Variants in ANKS1A observed in about 807,000 individuals in gnomAD.
The protein encoded by ANKS1A is ankyrin repeat and SAM domain-containing protein 1A.
Under a neutral mutation model 120.3 loss-of-function variants are expected in ANKS1A, and 55 were observed. That is an observed-to-expected ratio of 0.46 (90% CI 0.37 to 0.57). ANKS1A has a LOEUF of 0.57. Among genes scored for constraint, ANKS1A ranks in the 20% least tolerant of loss-of-function variants. The probability of loss-of-function intolerance (pLI) is 0.00; values close to 1 mark genes in which losing one functional copy is unlikely to be tolerated. For missense variants in ANKS1A, 1,123 were observed against 1,480.3 expected (o/e 0.76, Z 3.96); for synonymous variants, 590 against 604.7 (o/e 0.98, Z 0.36).
At chr6:34,950,287 C>T (rs1486332701) in intron 1 of ANKS1A, among the ~76,000 whole-genome samples, 4 of 131,964 alleles carry the variant, frequency 3.0e-5, no homozygotes, top group Non-Finnish European at 6.1e-5. Flanking sequence ...AGTACAGTGG[C>T]GCGATCTTGG....
intron 1 of ANKS1A, among the ~76,000 whole-genome samples, chr6:34,929,982 C>T (rs1768906085): frequency 6.6e-6 from 1 of 152,100 alleles, no homozygotes; most frequent in Non-Finnish European, 1.5e-5. Context: ...CATTCCTGCT[C>T]TATGACATCT....
chr6:35,082,931 G>T lies in ANKS1A; in HGVS notation c.2835+115G>T. On this transcript the variant is annotated intron_variant, in intron 18 of 23. Transcript: ENST00000360359. The surrounding 1 kb of genome is among the most constrained non-coding windows in gnomAD (Gnocchi z 4.1). ...AAGCCAGGCCCAGGGCTTTTGAGCT[G>T]TTCTCCACTCTCAGCCACTCTTGAC... The T allele has an allele frequency of 6.7e-7, 1 of 1,489,578 alleles. No homozygotes were observed. The highest frequency in any genetic ancestry group is 9.0e-7 in the Non-Finnish European group (1 of 1,113,516). The allele number at this position is 1,489,578 out of a possible 1,614,324, so 92.3% of individuals were successfully genotyped here.
chr6:34,923,772 C>T (rs1768559881), intron 1 of ANKS1A, among the ~76,000 whole-genome samples: 1 of 152,144 alleles, frequency 6.6e-6, no homozygotes, highest in Non-Finnish European at 1.5e-5. Context: ...CTCCTGAATT[C>T]AGATGGAGAG....
At chr6:35,026,150 T>G (rs1774615146) in intron 11 of ANKS1A, among the ~76,000 whole-genome samples, 1 of 152,266 alleles carries the variant, frequency 6.6e-6, no homozygotes. Flanking sequence ...ATTCTTTTTA[T>G]ACTTTGGTTC....
rs556067373 is a variant in ANKS1A, at chr6:35,075,752, CACAT to C, written c.2185-2802_2185-2799del. On this transcript the variant is annotated intron_variant, in intron 13 of 23. Coordinates refer to ENST00000360359, the MANE Select transcript of ANKS1A (RefSeq NM_015245.3). ...CTTTATTTTTTGTTGTATGTACACACACATACACACACACTTGTGCACACACATA... is the reference window on the plus strand; with the variant it reads ...CTTTATTTTTTGTTGTATGTACACACACACACACACTTGTGCACACACATA... 9.9e-5 allele frequency among the ~76,000 whole-genome samples: 15 copies of C among 152,110 alleles called. 1 individual carries two copies. The South Asian group carries it at 3.1e-3, about 32-fold the overall frequency.
Position 34,982,917 on chromosome 6 carries a change from G to A in ANKS1A, c.808+90G>A. ...CCCTAGGGGGATTTTTGCTGGCTGT[G>A]TTTGAACTCAATGTATGTGTATCTC... On this transcript the variant is annotated intron_variant, in intron 5 of 23. Coordinates refer to ENST00000360359, the MANE Select transcript of ANKS1A (RefSeq NM_015245.3). The surrounding 1 kb of genome is among the most constrained non-coding windows in gnomAD (Gnocchi z 4.9). The A allele has an allele frequency of 2.0e-6, 3 of 1,516,036 alleles. No individual in the cohort carries two copies. Among genetic ancestry groups the A allele is most frequent in the Non-Finnish European group, 2.7e-6 (3 of 1,093,268 alleles). The allele number at this position is 1,516,036 out of a possible 1,614,324, so 93.9% of individuals were successfully genotyped here.
At chr6:34,924,097 G>GTGTGTA (rs1448218522) in intron 1 of ANKS1A, among the ~76,000 whole-genome samples, 38 of 144,660 alleles carry the variant, frequency 2.6e-4, no homozygotes, top group Admixed American at 9.5e-4. Context: ...TTTCGTGTGT[G>GTGTGTA]TGTGTGTGTG....
intron 1 of ANKS1A, among the ~76,000 whole-genome samples, chr6:34,948,503 A>G (rs971124096): frequency 2.0e-5 from 3 of 152,148 alleles, no homozygotes; most frequent in African/African-American, 7.2e-5. Flanking sequence ...TCTTGATTCA[A>G]AGTAAATAAT....
intron 3 of ANKS1A, among the ~76,000 whole-genome samples, chr6:34,979,785 T>C (rs960148958): frequency 6.6e-6 from 1 of 152,206 alleles, no homozygotes; most frequent in African/African-American, 2.4e-5. Context: ...AAGCTGACTT[T>C]CTTGGCTCTT....
chr6:35,069,718 T>TA (rs200615406), intron 13 of ANKS1A, among the ~76,000 whole-genome samples: 3,428 of 13,186 alleles, frequency 0.26, 133 homozygotes, highest in African/African-American at 0.32. Flanking sequence ...TATATATATA[T>TA]TTTTTTTTTT....
chr6:34,889,541 AGCGGCGGCGGCGGCGGCG>A lies in ANKS1A; in HGVS notation c.142_159del (p.Gly48_Gly53del). On this transcript the variant is annotated inframe_deletion, in exon 1 of 24. Transcript: ENST00000360359. This position sits in a 1 kb window ranked among gnomAD's most constrained non-coding sequence, Gnocchi z 5.5. ...TGGCTCTGGGGGCGGCGGCGGCGGC[AGCGGCGGCGGCGGCGGCG>A]GCCTCGGCTCTTCCAGCCACCCCCT... The A allele has an allele frequency of 2.5e-6, 3 of 1,200,420 alleles. No homozygotes were observed. The highest frequency in any genetic ancestry group is 2.0e-6 in the Non-Finnish European group (2 of 980,276). 74.4% of individuals were successfully genotyped at this position (1,200,420 alleles called of 1,614,324 possible). A position where few individuals can be genotyped will look rare whatever the true frequency, so the allele number is the denominator to read the frequency against.
chr6:35,031,223 C>T (rs1774891749), intron 11 of ANKS1A, among the ~76,000 whole-genome samples: 1 of 152,126 alleles, frequency 6.6e-6, no homozygotes, highest in Admixed American at 6.6e-5. Context: ...CAGCCTCTTC[C>T]CTGTTGTGCT....
At chr6:35,053,457 C>A (rs1172704391) in intron 11 of ANKS1A, among the ~76,000 whole-genome samples, 1 of 152,242 alleles carries the variant, frequency 6.6e-6, no homozygotes, top group East Asian at 1.9e-4. Context: ...TGCCCCGTCT[C>A]ATCTCCTGAA....
At chr6:34,968,428 CG>C (rs763827922) in intron 2 of ANKS1A, among the ~76,000 whole-genome samples, 1 of 151,990 alleles carries the variant, frequency 6.6e-6, no homozygotes, top group African/African-American at 2.4e-5. Flanking sequence ...GCAGCAGTGT[CG>C]TTTTTTTGTT....
intron 13 of ANKS1A, among the ~76,000 whole-genome samples, chr6:35,078,014 G>A (rs1024388394): frequency 5.3e-5 from 8 of 152,254 alleles, no homozygotes; most frequent in South Asian, 2.1e-4. Context: ...AAAACAGCAC[G>A]GACTGGGCTC....
At chr6:35,064,115 G>A (rs1400492015) in intron 13 of ANKS1A, among the ~76,000 whole-genome samples, 4 of 152,144 alleles carry the variant, frequency 2.6e-5, no homozygotes, top group Admixed American at 1.3e-4. Context: ...CGAAAGCCAC[G>A]TGTGGGAGAG....
rs145804945 is a variant in ANKS1A, at chr6:35,015,244, T to C, written c.1424-2229T>C. 1.1e-3 allele frequency among the ~76,000 whole-genome samples: 170 copies of C among 152,272 alleles called. 1 individual carries two copies. In the East Asian group the frequency reaches 0.029, roughly 26 times the overall value. On this transcript the variant is annotated intron_variant, in intron 10 of 23. Transcript: ENST00000360359. ...CCAACACAGTGGCTCACGCCTATAA[T>C]CCAGCACTTTGGGAGGCCAAGGCAG...
chr6:35,087,970 C>T (rs919921865), intron 23 of ANKS1A, among the ~76,000 whole-genome samples: 1 of 152,248 alleles, frequency 6.6e-6, no homozygotes, highest in East Asian at 1.9e-4. Context: ...GTAGAACCAA[C>T]GAGGAGGCGG....
intron 13 of ANKS1A, 49 bp from the exon 14 acceptor site, chr6:35,078,509 C>G (rs1311893677): frequency 6.4e-7 from 1 of 1,574,754 alleles, no homozygotes; most frequent in Non-Finnish European, 8.7e-7. Context: ...CTCAGGGCCA[C>G]CAGCCATCCA....
Sources: gnomAD v4.1 joint callset for allele counts (sites outside exome capture counted in the v4.1 genomes callset) on GRCh38, gnomAD v4.1.1 for gene constraint, Gnocchi (gnomAD v3.1) non-coding constraint, MANE v1.5 for transcripts, NCBI Gene and HGNC (gene_info 2026-07-23, HGNC 2026-07-21) for gene names.